Variants in ARID3A observed in about 807,000 individuals in gnomAD.
The protein encoded by ARID3A is AT-rich interaction domain 3A, also known as AT-rich interactive domain-containing protein 3A.
In ARID3A, 11 loss-of-function variants were observed where a neutral mutation model predicts 52.7. That is an observed-to-expected ratio of 0.21 (90% confidence interval 0.13 to 0.35). The LOEUF (loss-of-function observed/expected upper bound fraction) is 0.35. Ranked by LOEUF, ARID3A falls within the 10% of genes least tolerant of loss-of-function variation. The pLI is 1.00. For synonymous variants in ARID3A, 404 were observed against 359.4 expected, an observed-to-expected ratio of 1.12 and a Z score of -1.40; for missense variants, 721 against 838.5, an observed-to-expected ratio of 0.86 and a Z score of 1.73.
chr19:970,498 C>CTTTTTTT (rs1177419405), intron 8 of ARID3A, among the ~76,000 whole-genome samples: 5 of 88,346 alleles, frequency 5.7e-5, no homozygotes, highest in Admixed American at 1.1e-4. Context: ...AATAGTTTTT[C>CTTTTTTT]TTTTTTTTTT....
intron 3 of ARID3A, among the ~76,000 whole-genome samples, chr19:946,606 A>G (rs1456941406): frequency 1.3e-5 from 2 of 151,066 alleles, no homozygotes; most frequent in Admixed American, 6.6e-5. Context: ...ATGCCCGGCT[A>G]ATTTTTGTAT....
intron 2 of ARID3A, among the ~76,000 whole-genome samples, chr19:930,744 C>G (rs112563040): frequency 0.068 from 10,333 of 150,862 alleles, 516 homozygotes; most frequent in East Asian, 0.21. Flanking sequence ...CTCCTGACCT[C>G]ATGATCTGCC....
At chr19:935,727 C>T (rs2145366496) in intron 3 of ARID3A, among the ~76,000 whole-genome samples, 1 of 151,644 alleles carries the variant, frequency 6.6e-6, no homozygotes, top group Middle Eastern at 3.4e-3. Flanking sequence ...CCTTGGCCTC[C>T]CAAAGTGCTG....
rs142062434 is a variant in ARID3A, at chr19:961,415, C to T, written c.766+1251C>T. On this transcript the variant is annotated intron_variant, in intron 4 of 8. Transcript: ENST00000263620. ...ACCCGGGACCTGGGCGGGGGCCCCT[C>T]CTGTGTTATCCTCCAAGGCCAGGCT... is the stretch of plus-strand genomic sequence containing the variant. Among the ~76,000 whole-genome samples the T allele has an allele frequency of 3.3e-5, 5 of 152,350 alleles. 1 individual carries two copies. The East Asian group carries it at 9.6e-4, about 29-fold the overall frequency.
Position 944,556 on chromosome 19 carries a change from C to T in ARID3A, c.693+11814C>T, listed in dbSNP as rs896088629. ...CTTCCGGGCAAGTGAGCGTCCCCCA[C>T]CCAGGACCCCCGACCCCGGCCCTGG... On this transcript the variant is annotated intron_variant, in intron 3 of 8. Coordinates refer to ENST00000263620, the MANE Select transcript of ARID3A (RefSeq NM_005224.3). This position sits in a 1 kb window ranked among gnomAD's most constrained non-coding sequence, Gnocchi z 5.9. Among the ~76,000 whole-genome samples the T allele has an allele frequency of 6.6e-6, 1 of 152,174 alleles. No homozygotes were observed. The highest frequency in any genetic ancestry group is 2.4e-5 in the African/African-American group (1 of 41,458).
intron 3 of ARID3A, among the ~76,000 whole-genome samples, chr19:946,074 G>A (rs902784404): frequency 2.6e-5 from 4 of 152,122 alleles, no homozygotes; most frequent in African/African-American, 9.7e-5. Flanking sequence ...GCAGGGGCCC[G>A]GCGTCCAGGT....
intron 4 of ARID3A, among the ~76,000 whole-genome samples, chr19:962,296 G>A (rs895337146): frequency 3.3e-5 from 5 of 152,016 alleles, no homozygotes; most frequent in African/African-American, 1.2e-4. Flanking sequence ...ATTCTCTGGG[G>A]GCTAGAAGTG....
intron 3 of ARID3A, among the ~76,000 whole-genome samples, chr19:958,460 A>G (rs1321168641): frequency 6.6e-6 from 1 of 151,812 alleles, no homozygotes; most frequent in African/African-American, 2.4e-5. Flanking sequence ...AAAGAAAAAG[A>G]AAAGAAGAGG....
intron 3 of ARID3A, among the ~76,000 whole-genome samples, chr19:954,798 C>T (rs1246152816): frequency 3.3e-5 from 4 of 122,730 alleles, no homozygotes; most frequent in Non-Finnish European, 6.6e-5. Flanking sequence ...GAGGAACAGC[C>T]GGGGCGAAGG....
At chr19:954,884 C>A (rs1396705450) in intron 3 of ARID3A, among the ~76,000 whole-genome samples, 2 of 152,174 alleles carry the variant, frequency 1.3e-5, no homozygotes, top group Admixed American at 1.3e-4. Context: ...CCCGACCCCT[C>A]CCGTGATCAG....
chr19:947,834 G>T lies in ARID3A; in HGVS notation c.694-12258G>T, dbSNP rs1056646437. 2.7e-4 allele frequency among the ~76,000 whole-genome samples: 41 copies of T among 152,228 alleles called. No homozygotes were observed. The highest frequency in any genetic ancestry group is 4.0e-4 in the Non-Finnish European group (27 of 68,030). Reference sequence around the variant, plus strand: ...GGGGAGTGGAGCCGGCAGATGTTCGGCCCTGCCCAGAATCACTTCCCCAAT... The same window carrying T: ...GGGGAGTGGAGCCGGCAGATGTTCGTCCCTGCCCAGAATCACTTCCCCAAT... On this transcript the variant is annotated intron_variant, in intron 3 of 8. Transcript: ENST00000263620. The surrounding 1 kb of genome is among the most constrained non-coding windows in gnomAD (Gnocchi z 6.3).
chr19:964,343 G>A lies in ARID3A; in HGVS notation c.862G>A (p.Val288Ile), dbSNP rs1228218964. ...LVTEKGGLVE[V>I]INKKLWREIT... is the part of the protein sequence containing the mutation. ...GACGGAGAAGGGCGGCCTCGTGGAGGTCATCAACAAGAAGCTGTGGCGTGA... is the reference window on the plus strand; with the variant it reads ...GACGGAGAAGGGCGGCCTCGTGGAGATCATCAACAAGAAGCTGTGGCGTGA... The change falls in exon 5 of 9, where the codon GTC (valine) becomes ATC (isoleucine). Residue 288 changes from valine (V) to isoleucine (I), a missense_variant. Physicochemically the swap from Val to Ile is conservative, Grantham distance 29. Transcript: ENST00000263620. This position sits in a 1 kb window ranked among gnomAD's most constrained non-coding sequence, Gnocchi z 5.7. 6.2e-7 allele frequency: 1 copy of A among 1,614,096 alleles called. No homozygotes were observed. Among genetic ancestry groups the A allele is most frequent in the South Asian group, 1.1e-5 (1 of 91,078 alleles).
chr19:968,510 C>T lies in ARID3A; in HGVS notation c.1594+7C>T, dbSNP rs370801930. The T allele has an allele frequency of 1.2e-6, 2 of 1,613,126 alleles. No homozygotes were observed. Among genetic ancestry groups the T allele is most frequent in the South Asian group, 2.2e-5 (2 of 91,042 alleles). On this transcript the variant is annotated splice_region_variant and intron_variant, in intron 8 of 8. Coordinates refer to ENST00000263620, the MANE Select transcript of ARID3A (RefSeq NM_005224.3). ...AACGGCATCATGTACACAGGTAGGACCCCTGAGGCCACGCCCTGCCTGGAC... is the reference window on the plus strand; with the variant it reads ...AACGGCATCATGTACACAGGTAGGATCCCTGAGGCCACGCCCTGCCTGGAC...
In ARID3A at chr19:964,225, C is replaced by T. The variant is rs868255669; in HGVS notation, c.767-23C>T. ...CTGCAGTGCCCAGGTGGCCCCCAACCTCCCTCTCGCCCCTTCCCCCAGGGA... is the reference window on the plus strand; with the variant it reads ...CTGCAGTGCCCAGGTGGCCCCCAACTTCCCTCTCGCCCCTTCCCCCAGGGA... On this transcript the variant is annotated intron_variant, in intron 4 of 8. Coordinates refer to ENST00000263620, the MANE Select transcript of ARID3A (RefSeq NM_005224.3). The surrounding 1 kb of genome is among the most constrained non-coding windows in gnomAD (Gnocchi z 5.7). 1 of 1,594,656 alleles carries T rather than the reference C, an allele frequency of 6.3e-7. No homozygotes were observed.
Position 973,104 on chromosome 19 carries a change from A to ATTTTTTTTTTTTTTGTTTTTTTTTTTTTT in ARID3A, c.*1053_*1054insGTTTTTTTTTTTTTTTTTTTTTTTTTTTT, listed in dbSNP as rs2038315361. On this transcript the variant is annotated 3_prime_UTR_variant, in exon 9 of 9. Coordinates refer to ENST00000263620, the MANE Select transcript of ARID3A (RefSeq NM_005224.3). Reference sequence around the variant, plus strand: ...GGGCTCTCGAGTCAGGGGCCTGGAAATTTTTTTTTTTTTTTTTTTTTGAGA... The same window carrying ATTTTTTTTTTTTTTGTTTTTTTTTTTTTT: ...GGGCTCTCGAGTCAGGGGCCTGGAAATTTTTTTTTTTTTTGTTTTTTTTTTTTTTTTTTTTTTTTTTTTTTTTTTTGAGA... 1 of 53,488 alleles carries ATTTTTTTTTTTTTTGTTTTTTTTTTTTTT rather than the reference A, an allele frequency of 1.9e-5. No homozygotes were observed. The highest frequency in any genetic ancestry group is 3.4e-5 in the Non-Finnish European group (1 of 29,006). 3.3% of individuals were successfully genotyped at this position (53,488 alleles called of 1,614,324 possible).
intron 3 of ARID3A, among the ~76,000 whole-genome samples, chr19:951,186 G>A (rs1439902643): frequency 6.6e-6 from 1 of 151,754 alleles, no homozygotes; most frequent in East Asian, 2.0e-4. Context: ...CAAACTCCTG[G>A]GCTCAAGTGA....
intron 3 of ARID3A, among the ~76,000 whole-genome samples, chr19:952,755 G>A (rs2037828144): frequency 6.6e-6 from 1 of 152,134 alleles, no homozygotes; most frequent in South Asian, 2.1e-4. Context: ...GACTGGAGGG[G>A]GCCTGGGGGG....
rs1161360947 is a variant in ARID3A at position 938,169 on chromosome 19, C to T, written c.693+5427C>T. Among the ~76,000 whole-genome samples the T allele has an allele frequency of 6.6e-6, 1 of 152,096 alleles. No homozygotes were observed. The highest frequency in any genetic ancestry group is 1.5e-5 in the Non-Finnish European group (1 of 68,026). ...TGTTGTCGACTTTTGATCCTAGCCT[C>T]CTTGTGGGGGTGGCGTGGTTTCTCA... is the stretch of plus-strand genomic sequence containing the variant. On this transcript the variant is annotated intron_variant, in intron 3 of 8. Coordinates refer to ENST00000263620, the MANE Select transcript of ARID3A (RefSeq NM_005224.3). This position sits in a 1 kb window ranked among gnomAD's most constrained non-coding sequence, Gnocchi z 4.0.
At chr19:957,773 G>A (rs1426752790) in intron 3 of ARID3A, among the ~76,000 whole-genome samples, 1 of 152,194 alleles carries the variant, frequency 6.6e-6, no homozygotes, top group East Asian at 1.9e-4. Context: ...GAGCCCAGGA[G>A]GTTGAGGCTG....
Sources: allele counts gnomAD v4.1 joint callset (sites outside exome capture counted in the v4.1 genomes callset), GRCh38; gene constraint gnomAD v4.1.1; non-coding constraint Gnocchi (gnomAD v3.1); transcripts MANE v1.5; gene names NCBI Gene and HGNC (gene_info 2026-07-23, HGNC 2026-07-21).